Variants in UNC79 observed in about 807,000 individuals in gnomAD.
UNC79 encodes protein unc-79 homolog.
In UNC79, 37 loss-of-function variants were observed where a neutral mutation model predicts 283.1. The ratio of observed to expected loss-of-function variants is 0.13; its 90% CI spans 0.10 to 0.17. UNC79 has a LOEUF of 0.17. UNC79 is among the 10% of genes least tolerant of loss of function. The pLI, the probability that UNC79 is intolerant of heterozygous loss-of-function variation, is 1.00. For synonymous variants in UNC79, 1,107 were observed against 1,200.2 expected, an observed-to-expected ratio of 0.92 and a Z score of 1.61; for missense variants, 2,272 against 3,211.1, an observed-to-expected ratio of 0.71 and a Z score of 7.07.
rs747557882 is a variant in UNC79, at chr14:93,706,786, C to G, written c.7673C>G (p.Ser2558Trp). 70 of 1,614,114 alleles carry G rather than the reference C, an allele frequency of 4.3e-5. No individual in the cohort carries two copies. The highest frequency in any genetic ancestry group is 5.5e-5 in the Non-Finnish European group (65 of 1,180,052). The change falls in exon 49 of 49, where the codon TCG becomes TGG. Residue 2558 changes from serine to tryptophan, a missense_variant. By Grantham distance (177) the Ser-to-Trp change is radical. Coordinates refer to ENST00000555664, the Ensembl canonical transcript of UNC79. ...CACAGCCTAAGGACGCTGCCGGGCT[C>G]GGGCCAGAGCAGTGCTGGCCTGGCA...
At chr14:93,705,798 A>G (rs540317149) in intron 48 of UNC79, among the ~76,000 whole-genome samples, 1 of 152,192 alleles carries the variant, frequency 6.6e-6, no homozygotes, top group Non-Finnish European at 1.5e-5. Context: ...GAAAAGCTGG[A>G]AAGTTTTTTG....
At chr14:93,352,679 CTGTGAGCCTCTGGTCATAACATTTT>C (rs1188939458) in intron 1 of UNC79, among the ~76,000 whole-genome samples, 4 of 152,130 alleles carry the variant, frequency 2.6e-5, no homozygotes, top group Non-Finnish European at 5.9e-5. Context: ...GGTTAAGTTC[CTGTGAGCCTCTGGTCATAACATTTT>C]TGTCAGCCTC....
intron 1 of UNC79, among the ~76,000 whole-genome samples, chr14:93,357,717 A>ATATC (rs1479018986): frequency 8.6e-6 from 1 of 116,902 alleles, no homozygotes; most frequent in Non-Finnish European, 1.7e-5. Flanking sequence ...ATATATATAT[A>ATATC]TATGGATATA....
At chr14:93,704,655 T>C (rs2141093106) in exon 48 of UNC79, 3 of 1,614,216 alleles carry the variant, frequency 1.9e-6, no homozygotes, top group East Asian at 4.5e-5. Flanking sequence ...AATGATTCAG[T>C]CAAATATCAA....
chr14:93,484,142 C>T (rs576020220), intron 4 of UNC79, among the ~76,000 whole-genome samples: 1 of 152,344 alleles, frequency 6.6e-6, no homozygotes, highest in Admixed American at 6.5e-5. Flanking sequence ...TACAGTCCCA[C>T]CAACAGTGTA....
At chr14:93,538,706 A>G (rs557468179) in intron 12 of UNC79, among the ~76,000 whole-genome samples, 2 of 149,508 alleles carry the variant, frequency 1.3e-5, no homozygotes, top group Non-Finnish European at 3.0e-5. Flanking sequence ...ACTCCAAGTA[A>G]TTCCATGCTG....
chr14:93,472,328 TAA>T lies in UNC79; in HGVS notation c.144-1759_144-1758del, dbSNP rs1415681522. Among the ~76,000 whole-genome samples, 8 of 152,220 alleles carry T rather than the reference TAA, an allele frequency of 5.3e-5. No homozygotes were observed. In the East Asian group the frequency reaches 1.5e-3, roughly 29 times the overall value. ...ATAATTGAGTCATGTGAGAAAAGTA[TAA>T]AGTCTGATGAAAAATCTGATGGCAT... On this transcript the variant is annotated intron_variant, in intron 2 of 48. Coordinates refer to ENST00000555664, the Ensembl canonical transcript of UNC79.
chr14:93,420,769 C>T (rs1433942174), intron 1 of UNC79, among the ~76,000 whole-genome samples: 2 of 151,568 alleles, frequency 1.3e-5, no homozygotes, highest in Non-Finnish European at 2.9e-5. Flanking sequence ...TCTCTGAACA[C>T]AATGGAATAA....
At chr14:93,401,600 C>T (rs1210760276) in intron 1 of UNC79, among the ~76,000 whole-genome samples, 2 of 152,190 alleles carry the variant, frequency 1.3e-5, no homozygotes, top group African/African-American at 4.8e-5. Context: ...CTAGCCCCAG[C>T]CCCACTCCAC....
chr14:93,667,251 A>C (rs2072309126), intron 40 of UNC79, among the ~76,000 whole-genome samples: 1 of 147,468 alleles, frequency 6.8e-6, no homozygotes, highest in Non-Finnish European at 1.5e-5. Context: ...GAAGGAAGGA[A>C]AGAAGGAAGG....
At chr14:93,414,993 C>G (rs1320585178) in intron 1 of UNC79, among the ~76,000 whole-genome samples, 3 of 152,150 alleles carry the variant, frequency 2.0e-5, no homozygotes, top group Non-Finnish European at 4.4e-5. Context: ...TCCTCTTTTC[C>G]TAACTGAATA....
chr14:93,687,737 C>T (rs1566925935), intron 43 of UNC79, among the ~76,000 whole-genome samples: 1 of 152,060 alleles, frequency 6.6e-6, no homozygotes, highest in Admixed American at 6.5e-5. Context: ...GCTCCTGTGC[C>T]GGTTACTGCT....
intron 1 of UNC79, among the ~76,000 whole-genome samples, chr14:93,420,270 A>G (rs2055566721): frequency 6.6e-6 from 1 of 151,652 alleles, no homozygotes; most frequent in Admixed American, 6.6e-5. Flanking sequence ...AGGGATAGAA[A>G]ACAATACTCC....
At chr14:93,601,239 A>G (rs1402291807) in intron 25 of UNC79, among the ~76,000 whole-genome samples, 4 of 151,784 alleles carry the variant, frequency 2.6e-5, no homozygotes, top group African/African-American at 4.8e-5. Flanking sequence ...GTAGTCTTTT[A>G]TCCCTCACCC....
chr14:93,459,030 A>C (rs1274221924), intron 1 of UNC79, among the ~76,000 whole-genome samples: 3 of 152,170 alleles, frequency 2.0e-5, no homozygotes, highest in Non-Finnish European at 4.4e-5. Context: ...AGAAGGCTTC[A>C]CTCAAGGCTG....
At chr14:93,532,430 A>G in intron 10 of UNC79, 120 bp from the exon 11 acceptor site, 1 of 1,195,598 alleles carries the variant, frequency 8.4e-7, no homozygotes, top group Non-Finnish European at 1.1e-6. Flanking sequence ...TGATGGTGCC[A>G]TTGCACTCCA....
chr14:93,488,499 G>GT (rs71463911), intron 5 of UNC79, among the ~76,000 whole-genome samples: 16 of 151,004 alleles, frequency 1.1e-4, no homozygotes, highest in African/African-American at 3.2e-4. Flanking sequence ...TGACACTGTG[G>GT]TTTTTTTTTG....
At chr14:93,557,910 A>G (rs958699264) in intron 14 of UNC79, among the ~76,000 whole-genome samples, 2 of 152,152 alleles carry the variant, frequency 1.3e-5, no homozygotes, top group African/African-American at 2.4e-5. Context: ...TGACATTATC[A>G]TGTGTCCTTT....
At chr14:93,700,739 A>G (rs2075466997) in intron 47 of UNC79, among the ~76,000 whole-genome samples, 1 of 152,198 alleles carries the variant, frequency 6.6e-6, no homozygotes, top group Non-Finnish European at 1.5e-5. Flanking sequence ...CAATTTTTGT[A>G]GGGCACGTAG....
Sources: allele counts gnomAD v4.1 joint callset (sites outside exome capture counted in the v4.1 genomes callset), GRCh38; gene constraint gnomAD v4.1.1; transcripts MANE v1.5; gene names NCBI Gene and HGNC (gene_info 2026-07-23, HGNC 2026-07-21).